The following ATXN1 variants were observed in gnomAD, a reference collection of about 807,000 sequenced individuals.
ATXN1 encodes ataxin 1, also known as ataxin-1.
Under a neutral mutation model 56.4 loss-of-function variants are expected in ATXN1, and 8 were observed. That is an observed-to-expected ratio of 0.14 (90% CI 0.08 to 0.26). The LOEUF is 0.26. Ranked by LOEUF, ATXN1 falls within the 10% of genes least tolerant of loss-of-function variation. ATXN1 has a pLI of 1.00. For synonymous variants in ATXN1, 514 were observed against 494.6 expected, an observed-to-expected ratio of 1.04 and a Z score of -0.52; for missense variants, 987 against 1,106.5, an observed-to-expected ratio of 0.89 and a Z score of 1.53.
chr6:16,574,381 G>C (rs1460384098), intron 4 of ATXN1, among the ~76,000 whole-genome samples: 1 of 152,168 alleles, frequency 6.6e-6, no homozygotes, highest in Non-Finnish European at 1.5e-5. Flanking sequence ...AATTTTATTT[G>C]TATTTTTAGT....
intron 6 of ATXN1, among the ~76,000 whole-genome samples, chr6:16,378,470 C>T (rs1170414712): frequency 1.3e-5 from 2 of 152,160 alleles, no homozygotes; most frequent in African/African-American, 2.4e-5. Flanking sequence ...GGAGCCAGGA[C>T]TAGAAAACAA....
intron 3 of ATXN1, among the ~76,000 whole-genome samples, chr6:16,611,677 G>A (rs753886822): frequency 2.0e-5 from 3 of 151,932 alleles, no homozygotes; most frequent in Non-Finnish European, 2.9e-5. Context: ...TTCAACAGGG[G>A]TGAAATTTTT....
At chr6:16,740,786 G>C (rs1760313877) in intron 2 of ATXN1, among the ~76,000 whole-genome samples, 1 of 152,094 alleles carries the variant, frequency 6.6e-6, no homozygotes, top group South Asian at 2.1e-4. Flanking sequence ...CACCGCCTTG[G>C]CCTCCCAAAG....
chr6:16,734,812 G>A (rs892578092), intron 2 of ATXN1, among the ~76,000 whole-genome samples: 15 of 152,210 alleles, frequency 9.9e-5, no homozygotes, highest in Admixed American at 7.9e-4. Context: ...ATTTTAAAAC[G>A]TCATGTTTCT....
intron 3 of ATXN1, among the ~76,000 whole-genome samples, chr6:16,631,033 T>C (rs1187681201): frequency 6.6e-6 from 1 of 152,206 alleles, no homozygotes; most frequent in African/African-American, 2.4e-5. Flanking sequence ...GGATCACCTA[T>C]GCTCTTTGTT....
At chr6:16,640,466 G>C (rs932914953) in intron 3 of ATXN1, among the ~76,000 whole-genome samples, 1 of 152,084 alleles carries the variant, frequency 6.6e-6, no homozygotes, top group African/African-American at 2.4e-5. Flanking sequence ...GGCAGATCAC[G>C]AGTTCAGGAG....
chr6:16,428,202 T>G (rs1759199486), intron 6 of ATXN1, among the ~76,000 whole-genome samples: 1 of 146,778 alleles, frequency 6.8e-6, no homozygotes, highest in Admixed American at 7.0e-5. Flanking sequence ...CACTGCAACC[T>G]CTGGCTCCCA....
At position 16,412,713 on chromosome 6, in the gene ATXN1, C is replaced by G. The variant is rs577151409; in HGVS notation, c.-161+73259G>C. ...TTGAAGGGTACGCAAAATCCAAACT[C>G]AATTCAACACCATTAAAATAAAAGG... is the stretch of plus-strand genomic sequence containing the variant. On this transcript the variant is annotated intron_variant, in intron 6 of 7. Coordinates refer to ENST00000436367, the MANE Select transcript of ATXN1 (RefSeq NM_001128164.2). Among the ~76,000 whole-genome samples the G allele has an allele frequency of 1.7e-4, 26 of 152,326 alleles. 1 individual carries two copies. In the South Asian group the frequency reaches 5.4e-3, roughly 32 times the overall value.
At chr6:16,575,078 T>C (rs1025832097) in intron 4 of ATXN1, among the ~76,000 whole-genome samples, 29 of 152,168 alleles carry the variant, frequency 1.9e-4, no homozygotes, top group Non-Finnish European at 4.0e-4. Context: ...GGACACACGA[T>C]GTCAATATGT....
chr6:16,446,487 A>G (rs573104821), intron 6 of ATXN1, among the ~76,000 whole-genome samples: 29 of 152,342 alleles, frequency 1.9e-4, no homozygotes, highest in Middle Eastern at 3.4e-3. Flanking sequence ...GCACTTCTCA[A>G]AATTGAAAGC....
At chr6:16,465,488 A>T (rs1216916240) in intron 6 of ATXN1, among the ~76,000 whole-genome samples, 1 of 152,132 alleles carries the variant, frequency 6.6e-6, no homozygotes, top group Admixed American at 6.6e-5. Context: ...ACAAAAAATC[A>T]GGGAAGGTGC....
chr6:16,337,539 C>G (rs2113433273), intron 6 of ATXN1, among the ~76,000 whole-genome samples: 1 of 152,374 alleles, frequency 6.6e-6, no homozygotes, highest in East Asian at 1.9e-4. Flanking sequence ...CCATCTGGAT[C>G]CAAGCTGGTC....
chr6:16,407,794 G>A (rs930376300), intron 6 of ATXN1, among the ~76,000 whole-genome samples: 7 of 152,178 alleles, frequency 4.6e-5, no homozygotes, highest in Non-Finnish European at 7.3e-5. Flanking sequence ...CTCTGGATAC[G>A]TCTGGGTGGC....
intron 5 of ATXN1, among the ~76,000 whole-genome samples, chr6:16,491,478 GTTTCACCA>G (rs1294862755): frequency 2.0e-5 from 3 of 151,530 alleles, no homozygotes; most frequent in African/African-American, 7.3e-5. Flanking sequence ...TAGAGACAGG[GTTTCACCA>G]TGTTGGCCAT....
intron 6 of ATXN1, among the ~76,000 whole-genome samples, chr6:16,446,354 A>G (rs1759635333): frequency 6.6e-6 from 1 of 152,196 alleles, no homozygotes; most frequent in Non-Finnish European, 1.5e-5. Context: ...TGTGTTTGAT[A>G]TTTCTATAAC....
intron 3 of ATXN1, among the ~76,000 whole-genome samples, chr6:16,634,189 C>T (rs765181956): frequency 6.6e-6 from 1 of 152,166 alleles, no homozygotes; most frequent in Non-Finnish European, 1.5e-5. Context: ...TCCCTTAATC[C>T]ATCTAAACTA....
chr6:16,538,855 C>T (rs949706067), intron 4 of ATXN1, among the ~76,000 whole-genome samples: 7 of 152,020 alleles, frequency 4.6e-5, no homozygotes, highest in African/African-American at 1.7e-4. Flanking sequence ...CTGGCTAATT[C>T]TTGTTTTTTC....
intron 4 of ATXN1, among the ~76,000 whole-genome samples, chr6:16,558,035 G>A (rs966893063): frequency 3.3e-5 from 5 of 152,078 alleles, no homozygotes; most frequent in Admixed American, 2.6e-4. Flanking sequence ...ATGGGGGAGT[G>A]GGTGCTTAAT....
At chr6:16,363,694 C>A (rs1454558885) in intron 6 of ATXN1, among the ~76,000 whole-genome samples, 1 of 152,208 alleles carries the variant, frequency 6.6e-6, no homozygotes, top group Non-Finnish European at 1.5e-5. Flanking sequence ...TTAGTGTATT[C>A]TCCAATTTCA....
Sources: allele counts gnomAD v4.1 joint callset (sites outside exome capture counted in the v4.1 genomes callset), GRCh38; gene constraint gnomAD v4.1.1; transcripts MANE v1.5; gene names NCBI Gene and HGNC (gene_info 2026-07-23, HGNC 2026-07-21).